Variants in RBMS1 observed in about 807,000 individuals in gnomAD.
RBMS1 encodes RNA binding motif single stranded interacting protein 1.
Under a neutral mutation model 62.3 loss-of-function variants are expected in RBMS1, and 17 were observed. That is an observed-to-expected ratio of 0.27 (90% confidence interval 0.19 to 0.41). RBMS1 has a LOEUF of 0.41. RBMS1 is among the 10% of genes least tolerant of loss of function. The probability of loss-of-function intolerance (pLI) is 1.00; values close to 1 mark genes in which losing one functional copy is unlikely to be tolerated. For missense variants in RBMS1, 334 were observed against 504.5 expected (o/e 0.66, Z 3.24); for synonymous variants, 172 against 170.0 (o/e 1.01, Z -0.09).
chr2:160,403,689 T>G (rs1412134530), intron 1 of RBMS1, among the ~76,000 whole-genome samples: 1 of 152,094 alleles, frequency 6.6e-6, no homozygotes, highest in Non-Finnish European at 1.5e-5. Flanking sequence ...CATACACACA[T>G]GCAGAAAAAT....
rs183022384 is a variant in RBMS1, at chr2:160,371,334, T to C, written c.76-3943A>G. ...GCCTCTCAAAACCCGGAAGCTGCCT[T>C]GGAACGTGAAAAGACCCTCTATGGA... is the stretch of plus-strand genomic sequence containing the variant. On this transcript the variant is annotated intron_variant, in intron 1 of 13. Transcript: ENST00000348849. 7.2e-5 allele frequency among the ~76,000 whole-genome samples: 11 copies of C among 152,300 alleles called. No homozygotes were observed. The East Asian group carries it at 2.1e-3, about 29-fold the overall frequency.
chr2:160,469,303 T>C (rs1684821340), intron 1 of RBMS1, among the ~76,000 whole-genome samples: 1 of 152,180 alleles, frequency 6.6e-6, no homozygotes, highest in Non-Finnish European at 1.5e-5. Flanking sequence ...CAAACCAGCG[T>C]CCTGTCCTCT....
chr2:160,351,134 C>T (rs1206069767), intron 2 of RBMS1, among the ~76,000 whole-genome samples: 1 of 146,354 alleles, frequency 6.8e-6, no homozygotes, highest in Non-Finnish European at 1.5e-5. Flanking sequence ...AATGAGAACA[C>T]TTGGACACAG....
intron 1 of RBMS1, among the ~76,000 whole-genome samples, chr2:160,451,856 C>A (rs1684007373): frequency 6.6e-6 from 1 of 152,148 alleles, no homozygotes; most frequent in African/African-American, 2.4e-5. Flanking sequence ...GTAATCTACC[C>A]TCCTCGGCCT....
intron 1 of RBMS1, among the ~76,000 whole-genome samples, chr2:160,460,434 CA>C (rs1684409690): frequency 6.6e-6 from 1 of 152,190 alleles, no homozygotes; most frequent in South Asian, 2.1e-4. Context: ...CCCAGTTTTG[CA>C]GATAAGGACA....
At chr2:160,392,628 G>C (rs1397019041) in intron 1 of RBMS1, among the ~76,000 whole-genome samples, 2 of 152,128 alleles carry the variant, frequency 1.3e-5, no homozygotes, top group Admixed American at 1.3e-4. Context: ...ATAAAAAGAG[G>C]AAGGGCATTC....
chr2:160,459,601 T>C (rs1346216454), intron 1 of RBMS1, among the ~76,000 whole-genome samples: 3 of 152,216 alleles, frequency 2.0e-5, no homozygotes, highest in African/African-American at 7.2e-5. Flanking sequence ...TTATCATTAT[T>C]AACTGTTGAC....
chr2:160,415,583 G>A (rs1472051466), intron 1 of RBMS1, among the ~76,000 whole-genome samples: 1 of 152,132 alleles, frequency 6.6e-6, no homozygotes, highest in Non-Finnish European at 1.5e-5. Flanking sequence ...CTTTACATGA[G>A]TAAAAAGCTA....
At chr2:160,462,010 G>T (rs1684484481) in intron 1 of RBMS1, among the ~76,000 whole-genome samples, 1 of 151,718 alleles carries the variant, frequency 6.6e-6, no homozygotes, top group South Asian at 2.1e-4. Context: ...GAAGGCAAGT[G>T]GCAGAGCAGA....
chr2:160,361,050 A>G (rs1693101742), intron 2 of RBMS1, among the ~76,000 whole-genome samples: 1 of 152,252 alleles, frequency 6.6e-6, no homozygotes, highest in Non-Finnish European at 1.5e-5. Flanking sequence ...CATTTCTATT[A>G]AAGTCATATG....
chr2:160,358,841 C>T (rs1692954285), intron 2 of RBMS1, among the ~76,000 whole-genome samples: 2 of 151,880 alleles, frequency 1.3e-5, no homozygotes, highest in Admixed American at 1.3e-4. Flanking sequence ...TGCCCACAAC[C>T]CTATGTTTTT....
intron 1 of RBMS1, among the ~76,000 whole-genome samples, chr2:160,433,224 A>G (rs1207613648): frequency 6.6e-6 from 1 of 152,150 alleles, no homozygotes; most frequent in East Asian, 1.9e-4. Context: ...GACCAGCCTG[A>G]GCAACATGGT....
chr2:160,453,958 C>T (rs1290579014), intron 1 of RBMS1, among the ~76,000 whole-genome samples: 2 of 152,198 alleles, frequency 1.3e-5, no homozygotes, highest in African/African-American at 4.8e-5. Flanking sequence ...CCTTCCCAAC[C>T]CACTAAGTTT....
chr2:160,436,563 T>C (rs1683119069), intron 1 of RBMS1, among the ~76,000 whole-genome samples: 1 of 152,254 alleles, frequency 6.6e-6, no homozygotes, highest in African/African-American at 2.4e-5. Flanking sequence ...TTTGGGTTGA[T>C]ATGTTTTATC....
intron 7 of RBMS1, among the ~76,000 whole-genome samples, chr2:160,286,566 T>TGCC (rs1288810594): frequency 6.6e-6 from 1 of 152,092 alleles, no homozygotes; most frequent in Non-Finnish European, 1.5e-5. Flanking sequence ...GTGATCTGCC[T>TGCC]GCCTTGGCCT....
chr2:160,321,810 A>G (rs1374646514), intron 2 of RBMS1, among the ~76,000 whole-genome samples: 1 of 152,118 alleles, frequency 6.6e-6, no homozygotes, highest in African/African-American at 2.4e-5. Flanking sequence ...ATATGTTTCC[A>G]ATCTTTACTT....
At chr2:160,311,232 C>CTATCTATCTATATATA (rs1381483574) in intron 4 of RBMS1, among the ~76,000 whole-genome samples, 18 of 79,250 alleles carry the variant, frequency 2.3e-4, no homozygotes, top group Non-Finnish European at 4.0e-4. Flanking sequence ...ATCTATCTAT[C>CTATCTATCTATATATA]TATATATATA....
At chr2:160,388,778 C>A (rs1436593079) in intron 1 of RBMS1, among the ~76,000 whole-genome samples, 2 of 152,210 alleles carry the variant, frequency 1.3e-5, no homozygotes, top group Non-Finnish European at 2.9e-5. Flanking sequence ...CCCTGCGATG[C>A]GAGAGGTTTT....
At position 160,281,359 on chromosome 2, in the gene RBMS1, T is replaced by G; in HGVS notation, c.906A>C (p.Gln302His). The change falls in exon 10 of 14, where the codon CAA becomes CAC. Residue 302 changes from glutamine (Q) to histidine (H), a missense_variant. Gln to His is a conservative substitution (Grantham distance 24). Transcript: ENST00000348849. The stretch of plus-strand genomic sequence containing the variant: ...GTTGAGGTTGCATCCACGAAGGACT[T>G]TGCACCTAGAAAAGGGAGGATTTTG... ...IASPVSAYQV[Q>H]SPSWMQPQPY... 6.2e-7 allele frequency: 1 copy of G among 1,608,542 alleles called. No homozygotes were observed. Among genetic ancestry groups the G allele is most frequent in the Non-Finnish European group, 8.5e-7 (1 of 1,176,166 alleles).
Sources: gnomAD v4.1 joint callset for allele counts (sites outside exome capture counted in the v4.1 genomes callset) on GRCh38, gnomAD v4.1.1 for gene constraint, MANE v1.5 for transcripts, NCBI Gene and HGNC (gene_info 2026-07-23, HGNC 2026-07-21) for gene names.